The following ROBO2 variants were observed in gnomAD, a reference collection of about 807,000 sequenced individuals.
The protein encoded by ROBO2 is roundabout homolog 2.
Under a neutral mutation model 160.8 loss-of-function variants are expected in ROBO2, and 53 were observed. That is an observed-to-expected ratio of 0.33 (90% CI 0.26 to 0.41). The LOEUF (loss-of-function observed/expected upper bound fraction) is 0.41. Ranked by LOEUF, ROBO2 falls within the 10% of genes least tolerant of loss-of-function variation. The pLI, the probability that ROBO2 is intolerant of heterozygous loss-of-function variation, is 1.00. For missense variants in ROBO2, 1,577 were observed against 1,722.4 expected, an observed-to-expected ratio of 0.92 and a Z score of 1.49; for synonymous variants, 664 against 611.7, an observed-to-expected ratio of 1.09 and a Z score of -1.26.
chr3:76,689,909 A>T (rs2107188919), intron 2 of ROBO2, among the ~76,000 whole-genome samples: 1 of 152,274 alleles, frequency 6.6e-6, no homozygotes, highest in African/African-American at 2.4e-5. Flanking sequence ...AACATGTAAC[A>T]TAACCTTCCC....
chr3:77,510,581 A>G (rs2089268982), intron 5 of ROBO2, among the ~76,000 whole-genome samples: 1 of 152,124 alleles, frequency 6.6e-6, no homozygotes, highest in Admixed American at 6.5e-5. Context: ...GGTGACATTT[A>G]TTGAGGATTT....
chr3:77,257,421 T>C (rs1285730561), intron 2 of ROBO2, among the ~76,000 whole-genome samples: 3 of 152,172 alleles, frequency 2.0e-5, no homozygotes, highest in Admixed American at 2.0e-4. Context: ...CAAAGTTTAA[T>C]TGGCAAGCTG....
At chr3:76,777,121 C>A (rs79141126) in intron 2 of ROBO2, among the ~76,000 whole-genome samples, 4 of 150,986 alleles carry the variant, frequency 2.6e-5, no homozygotes, top group Non-Finnish European at 4.5e-5. Context: ...GGGCTTTAAT[C>A]AAAACTAATG....
rs185593243 is a variant in ROBO2 at position 77,028,285 on chromosome 3, C to A, written c.110-69729C>A. On this transcript the variant is annotated intron_variant, in intron 2 of 26. Coordinates refer to the ROBO2 transcript ENST00000487694. ...AAAGGGACTTTGAGGTGAATCAGGT[C>A]CAATGCTCTTGTTTATTTCTGTACT... Among the ~76,000 whole-genome samples, 8 of 152,220 alleles carry A rather than the reference C, an allele frequency of 5.3e-5. No homozygotes were observed. In the East Asian group the frequency reaches 1.2e-3, roughly 22 times the overall value.
At chr3:76,594,532 T>C (rs1239173541) in intron 2 of ROBO2, among the ~76,000 whole-genome samples, 1 of 152,066 alleles carries the variant, frequency 6.6e-6, no homozygotes, top group Admixed American at 6.6e-5. Flanking sequence ...TAAAGAGCCT[T>C]ATCCAAAATA....
chr3:77,586,116 G>A lies in ROBO2; in HGVS notation c.2501-2635G>A, dbSNP rs76172220. ...GCTGCCTTACACTGGCGTAACATTG[G>A]TGTTGTTCTTTTCTGTGCAGTTTCC... On this transcript the variant is annotated intron_variant, in intron 16 of 25. Transcript: ENST00000461745. Among the ~76,000 whole-genome samples, 224 of 152,176 alleles carry A rather than the reference G, an allele frequency of 1.5e-3. 3 individuals carry two copies. In the East Asian group the frequency reaches 0.03, roughly 20 times the overall value.
chr3:77,412,007 C>T (rs770171207), intron 2 of ROBO2, among the ~76,000 whole-genome samples: 1 of 152,116 alleles, frequency 6.6e-6, no homozygotes, highest in Non-Finnish European at 1.5e-5. Flanking sequence ...AGAAAAACAA[C>T]CCAAATTCAT....
chr3:76,706,265 G>T (rs1012195765), intron 2 of ROBO2, among the ~76,000 whole-genome samples: 1 of 151,938 alleles, frequency 6.6e-6, no homozygotes, highest in Non-Finnish European at 1.5e-5. Context: ...TTAAAACATT[G>T]TTCATTTTTT....
At position 77,297,037 on chromosome 3, in the gene ROBO2, AT is replaced by A. The variant is rs35569967; in HGVS notation, c.389-180365del. On this transcript the variant is annotated intron_variant, in intron 2 of 25. Transcript: ENST00000461745. ...TAAGTTGTTCATGGAGAAACTAAAA[AT>A]TTTTTTTTTTTAGTCTGGAGTTATC... Among the ~76,000 whole-genome samples, 874 of 145,892 alleles carry A rather than the reference AT, an allele frequency of 6.0e-3. 5 individuals are homozygous for A. The highest frequency in any genetic ancestry group is 0.019 in the African/African-American group (725 of 38,180).
chr3:76,550,217 AC>A (rs887457894), intron 2 of ROBO2, among the ~76,000 whole-genome samples: 55 of 152,162 alleles, frequency 3.6e-4, no homozygotes, highest in African/African-American at 1.3e-3. Context: ...CTTCTTGCTA[AC>A]TCGCATTCCT....
At chr3:76,247,733 G>A (rs1031521757) in intron 2 of ROBO2, among the ~76,000 whole-genome samples, 10 of 151,702 alleles carry the variant, frequency 6.6e-5, no homozygotes, top group Non-Finnish European at 1.3e-4. Flanking sequence ...GAAAATTTTC[G>A]CAACCTACTC....
At chr3:77,444,966 A>G (rs1317388883) in intron 2 of ROBO2, among the ~76,000 whole-genome samples, 1 of 152,190 alleles carries the variant, frequency 6.6e-6, no homozygotes, top group East Asian at 1.9e-4. Flanking sequence ...TTCCAGTTCC[A>G]GTACCCAAGC....
rs1240082545 is a variant in ROBO2, at chr3:76,472,268, TTATA to T, written c.109+534671_109+534674del. 7.9e-5 allele frequency among the ~76,000 whole-genome samples: 12 copies of T among 152,286 alleles called. No individual in the cohort carries two copies. The East Asian group carries it at 2.1e-3, about 27-fold the overall frequency. ...TAGCAATATTTAAAATAATATGTGT[TTATA>T]TATAAAGTCTCAAATATTTTTGTTG... On this transcript the variant is annotated intron_variant, in intron 2 of 26. Transcript: ENST00000487694.
chr3:77,426,608 CTGTGTG>C (rs9309768), intron 2 of ROBO2, among the ~76,000 whole-genome samples: 134 of 140,644 alleles, frequency 9.5e-4, no homozygotes, highest in African/African-American at 2.9e-3. Flanking sequence ...ATGTGTGTGT[CTGTGTG>C]TGTGTGTGTG....
chr3:77,544,594 G>T (rs1210021445), intron 6 of ROBO2, among the ~76,000 whole-genome samples: 1 of 152,060 alleles, frequency 6.6e-6, no homozygotes, highest in Non-Finnish European at 1.5e-5. Context: ...ATTCTTGTAA[G>T]GATGAAGAAT....
In ROBO2 at chr3:77,463,423, T is replaced by G. The variant is rs182317024; in HGVS notation, c.389-13991T>G. 5.9e-3 allele frequency among the ~76,000 whole-genome samples: 891 copies of G among 152,228 alleles called. 8 individuals are homozygous for G. Among genetic ancestry groups the G allele is most frequent in the African/African-American group, 0.019 (779 of 41,538 alleles). On this transcript the variant is annotated intron_variant, in intron 2 of 25. Coordinates refer to ENST00000461745, the Ensembl canonical transcript of ROBO2. ...AAAATAGTACCTCTAAATGTGTTTGTTTTTAGAATTATATTATATATAAAT... is the reference window on the plus strand; with the variant it reads ...AAAATAGTACCTCTAAATGTGTTTGGTTTTAGAATTATATTATATATAAAT...
At chr3:76,160,725 G>T (rs1036138657) in intron 2 of ROBO2, among the ~76,000 whole-genome samples, 5 of 152,072 alleles carry the variant, frequency 3.3e-5, no homozygotes, top group African/African-American at 1.2e-4. Flanking sequence ...TGCTATGAGA[G>T]GGCTTTTTTC....
chr3:77,441,295 T>A (rs1337320174), intron 2 of ROBO2, among the ~76,000 whole-genome samples: 1 of 151,394 alleles, frequency 6.6e-6, no homozygotes, highest in Non-Finnish European at 1.5e-5. Context: ...GAGACGGGAA[T>A]GTATATGTGC....
intron 2 of ROBO2, among the ~76,000 whole-genome samples, chr3:76,913,551 AT>A (rs1315488595): frequency 6.6e-6 from 1 of 152,162 alleles, no homozygotes; most frequent in African/African-American, 2.4e-5. Flanking sequence ...ATCTAAGAGT[AT>A]TTTTTTGTAT....
Sources: allele counts gnomAD v4.1 joint callset (sites outside exome capture counted in the v4.1 genomes callset), GRCh38; gene constraint gnomAD v4.1.1; transcripts MANE v1.5; gene names NCBI Gene and HGNC (gene_info 2026-07-23, HGNC 2026-07-21).